PDE8B: variants seen among roughly 807,000 people sequenced by gnomAD.
PDE8B encodes the protein phosphodiesterase 8B.
A neutral mutation model predicts 101.3 loss-of-function variants in PDE8B; 26 were observed. That is an observed-to-expected ratio of 0.26 (90% CI 0.19 to 0.36). The LOEUF (loss-of-function observed/expected upper bound fraction) is 0.36. Ranked by LOEUF, PDE8B falls within the 10% of genes least tolerant of loss-of-function variation. The pLI, the probability that PDE8B is intolerant of heterozygous loss-of-function variation, is 1.00. For missense variants in PDE8B, 810 were observed against 1,163.1 expected (o/e 0.70, Z 4.42); for synonymous variants, 424 against 429.3 (o/e 0.99, Z 0.15).
chr5:77,181,587 G>C, the PDE8B span, among the ~76,000 whole-genome samples: 1 of 152,128 alleles, frequency 6.6e-6, no homozygotes, highest in Non-Finnish European at 1.5e-5. Flanking sequence ...CAGTTTACCC[G>C]TCCCCAGGTT....
At chr5:77,242,513 A>ACCCCCCTCCTAATACTAACTACCT (rs1245698580) in intron 1 of PDE8B, among the ~76,000 whole-genome samples, 15 of 152,356 alleles carry the variant, frequency 9.8e-5, no homozygotes, top group Non-Finnish European at 1.8e-4. Flanking sequence ...CACTAAAAGA[A>ACCCCCCTCCTAATACTAACTACCT]GCTAGATATA....
At chr5:77,383,632 T>C (rs1480345050) in intron 10 of PDE8B, among the ~76,000 whole-genome samples, 3 of 152,170 alleles carry the variant, frequency 2.0e-5, no homozygotes, top group Non-Finnish European at 4.4e-5. Flanking sequence ...TTTAAGTCTT[T>C]AATCCATCTT....
chr5:77,312,094 C>CTTTTTTTTTTTTTTTTTTTTTTT, intron 2 of PDE8B, 41 bp downstream of exon 2: 1 of 1,095,628 alleles, frequency 9.1e-7, no homozygotes, highest in Non-Finnish European at 1.3e-6. Flanking sequence ...AGATTATTTT[C>CTTTTTTTTTTTTTTTTTTTTTTT]TTTTTTTTTT....
chr5:77,391,472 G>T (rs1224927383), intron 10 of PDE8B, among the ~76,000 whole-genome samples: 1 of 152,222 alleles, frequency 6.6e-6, no homozygotes, highest in Non-Finnish European at 1.5e-5. Flanking sequence ...GCAAAGGCAG[G>T]TGAGCCAGTC....
At chr5:77,369,320 A>G (rs1417606004) in intron 10 of PDE8B, among the ~76,000 whole-genome samples, 2 of 152,028 alleles carry the variant, frequency 1.3e-5, no homozygotes, top group African/African-American at 4.8e-5. Flanking sequence ...AAGAATAAAG[A>G]ATGGCCCCAC....
At chr5:77,424,378 A>G (rs916239023) in intron 20 of PDE8B, among the ~76,000 whole-genome samples, 14 of 152,256 alleles carry the variant, frequency 9.2e-5, no homozygotes, top group African/African-American at 3.4e-4. Context: ...TGACCTAAAA[A>G]TGAAAGTTAC....
intron 1 of PDE8B, among the ~76,000 whole-genome samples, chr5:77,218,202 G>A (rs1750228670): frequency 6.6e-6 from 1 of 152,206 alleles, no homozygotes; most frequent in South Asian, 2.1e-4. Flanking sequence ...TTAGTGCATG[G>A]TTTGTACACT....
intron 2 of PDE8B, among the ~76,000 whole-genome samples, chr5:77,319,168 G>A (rs1354487227): frequency 6.6e-6 from 1 of 152,152 alleles, no homozygotes; most frequent in African/African-American, 2.4e-5. Flanking sequence ...GGTTTACTTA[G>A]ATAACACCAG....
intron 1 of PDE8B, among the ~76,000 whole-genome samples, chr5:77,244,855 T>G (rs1756545149): frequency 6.6e-6 from 1 of 152,120 alleles, no homozygotes; most frequent in South Asian, 2.1e-4. Flanking sequence ...TAGTCACCCC[T>G]CAATGTAATG....
rs71594634 is a variant in PDE8B, at chr5:77,423,632, GTTTTTTTT to G, written c.2418+1664_2418+1671del. Among the ~76,000 whole-genome samples, 261 of 74,040 alleles carry G rather than the reference GTTTTTTTT, an allele frequency of 3.5e-3. 1 individual carries two copies. Among genetic ancestry groups the G allele is most frequent in the African/African-American group, 0.012 (231 of 19,184 alleles). 48.6% of individuals were successfully genotyped at this position (74,040 alleles called of 152,430 possible). A position where few individuals can be genotyped will look rare whatever the true frequency, so the allele number is the denominator to read the frequency against. On this transcript the variant is annotated intron_variant, in intron 20 of 21. Transcript: ENST00000264917. ...TGATGCTGGACTTTTGTTTTGTTTA[GTTTTTTTT>G]TTTTTTTTTTTTTTTTTTTGAGACA... is the stretch of plus-strand genomic sequence containing the variant.
intron 7 of PDE8B, among the ~76,000 whole-genome samples, chr5:77,345,559 A>G (rs972825737): frequency 1.3e-5 from 2 of 152,242 alleles, no homozygotes; most frequent in Non-Finnish European, 2.9e-5. Flanking sequence ...TAGGGAACAG[A>G]GTATTTTCAA....
intron 1 of PDE8B, among the ~76,000 whole-genome samples, chr5:77,264,535 G>C (rs1761294450): frequency 1.3e-5 from 2 of 152,040 alleles, no homozygotes; most frequent in East Asian, 3.9e-4. Context: ...TCCTGAGCTA[G>C]TCAGGATATT....
intron 9 of PDE8B, 31 bp downstream of exon 9, chr5:77,351,184 G>A (rs1308579414): frequency 1.3e-6 from 2 of 1,518,342 alleles, no homozygotes; most frequent in Admixed American, 1.7e-5. Flanking sequence ...TCTTTTAGCT[G>A]AAGATAAAGA....
intron 1 of PDE8B, among the ~76,000 whole-genome samples, chr5:77,224,842 C>G (rs1263351308): frequency 6.6e-6 from 1 of 152,176 alleles, no homozygotes; most frequent in Non-Finnish European, 1.5e-5. Flanking sequence ...AGCAGAGTTT[C>G]CCACAGTCTG....
At chr5:77,146,280 T>C in the PDE8B span, 4 of 152,162 alleles carry the variant, frequency 2.6e-5, no homozygotes, top group South Asian at 2.1e-4. Context: ...ACACAAATCA[T>C]TGGAGGCCAA....
chr5:77,125,586 AT>A, the PDE8B span, among the ~76,000 whole-genome samples: 4 of 152,366 alleles, frequency 2.6e-5, no homozygotes, highest in East Asian at 7.7e-4. Flanking sequence ...AGACGAATGG[AT>A]GTATACACAT....
the PDE8B span, among the ~76,000 whole-genome samples, chr5:77,100,941 C>T: frequency 1.3e-5 from 2 of 151,400 alleles, no homozygotes; most frequent in African/African-American, 2.4e-5. Context: ...GCCCCAACTC[C>T]CAATCATCTA....
At chr5:77,225,574 A>G (rs569914011) in intron 1 of PDE8B, among the ~76,000 whole-genome samples, 1 of 152,230 alleles carries the variant, frequency 6.6e-6, no homozygotes, top group South Asian at 2.1e-4. Flanking sequence ...TTATTGAAAA[A>G]TGGTATTTAG....
the PDE8B span, among the ~76,000 whole-genome samples, chr5:77,120,934 G>C: frequency 6.6e-6 from 1 of 152,306 alleles, no homozygotes; most frequent in Non-Finnish European, 1.5e-5. Context: ...AGCATGCATG[G>C]GCTGATGTGG....
Sources: allele counts gnomAD v4.1 joint callset (sites outside exome capture counted in the v4.1 genomes callset), GRCh38; gene constraint gnomAD v4.1.1; transcripts MANE v1.5; gene names NCBI Gene and HGNC (gene_info 2026-07-23, HGNC 2026-07-21).